Variants in CRISPLD2 observed in about 807,000 individuals in gnomAD.
CRISPLD2 encodes the protein cysteine-rich secretory protein LCCL domain-containing 2.
CRISPLD2 carries 47 observed loss-of-function variants against 71.1 expected under a neutral mutation model. The ratio of observed to expected loss-of-function variants is 0.66; its 90% CI spans 0.52 to 0.84. CRISPLD2 has a LOEUF of 0.84. Among genes scored for constraint, CRISPLD2 ranks in the 40% least tolerant of loss-of-function variants. CRISPLD2 has a pLI of 0.00. For missense variants in CRISPLD2, 830 were observed against 651.1 expected, an observed-to-expected ratio of 1.27 and a Z score of -2.99; for synonymous variants, 317 against 250.1, an observed-to-expected ratio of 1.27 and a Z score of -2.52.
Position 84,906,683 on chromosome 16 carries a change from T to C in CRISPLD2, c.*41T>C. The C allele has an allele frequency of 6.2e-7, 1 of 1,609,410 alleles. No individual in the cohort carries two copies. On this transcript the variant is annotated 3_prime_UTR_variant, in exon 15 of 15. Coordinates refer to ENST00000262424, the MANE Select transcript of CRISPLD2 (RefSeq NM_031476.4). ...GGAGAAGGGGCGTCTTCAGGAGGGC[T>C]TCGGGGTTTTGCTTTTATTTTTATT...
rs559269206 is a variant in CRISPLD2 at position 84,847,445 on chromosome 16, T to A, written c.359+1541T>A. Among the ~76,000 whole-genome samples the A allele has an allele frequency of 2.2e-4, 33 of 151,204 alleles. No individual in the cohort carries two copies. The South Asian group carries it at 2.3e-3, about 11-fold the overall frequency. ...GGTGGGCAGAATACAAGGTCAGGAG[T>A]TCAAGACTATCCTGGCCAACATAGT... On this transcript the variant is annotated intron_variant, in intron 3 of 14. Transcript: ENST00000262424.
chr16:84,840,822 A>G (rs1018156870), intron 2 of CRISPLD2, among the ~76,000 whole-genome samples: 1 of 152,200 alleles, frequency 6.6e-6, no homozygotes. Context: ...GATTACAGGC[A>G]TGAACCACCG....
intron 1 of CRISPLD2, among the ~76,000 whole-genome samples, chr16:84,827,237 A>G (rs1249337549): frequency 1.3e-5 from 2 of 151,664 alleles, no homozygotes; most frequent in Non-Finnish European, 2.9e-5. Flanking sequence ...GAATCCCCGG[A>G]GTCTGGCCCC....
At chr16:84,882,347 C>CAAAAAAAAAAAAAAAAAAAAAAAAGA in intron 13 of CRISPLD2, among the ~76,000 whole-genome samples, 1 of 77,492 alleles carries the variant, frequency 1.3e-5, no homozygotes, top group Non-Finnish European at 2.5e-5. Context: ...ACCAATAAAG[C>CAAAAAAAAAAAAAAAAAAAAAAAAGA]AAAAAAAAAA....
At chr16:84,834,650 A>G (rs1308595390) in intron 1 of CRISPLD2, among the ~76,000 whole-genome samples, 1 of 152,182 alleles carries the variant, frequency 6.6e-6, no homozygotes, top group Non-Finnish European at 1.5e-5. Flanking sequence ...TTGGTCTGTT[A>G]AGCCGGCTAC....
Position 84,872,497 on chromosome 16 carries a change from T to C in CRISPLD2, c.970T>C (p.Phe324Leu). 6.2e-7 allele frequency: 1 copy of C among 1,613,766 alleles called. No individual in the cohort carries two copies. The highest frequency in any genetic ancestry group is 8.5e-7 in the Non-Finnish European group (1 of 1,179,788). The change falls in exon 9 of 15, where the codon TTC becomes CTC. Residue 324 changes from phenylalanine to leucine, a missense_variant. Physicochemically the swap from Phe to Leu is conservative, Grantham distance 22. Coordinates refer to ENST00000262424, the MANE Select transcript of CRISPLD2 (RefSeq NM_031476.4). ...NHKAKIFGTL[F>L]YESSSSICRA... ...CAAGGCGAAGATCTTTGGAACTCTG[T>C]TCTATGAAAGCGTGAGTGTGGCCAG...
intron 6 of CRISPLD2, among the ~76,000 whole-genome samples, chr16:84,859,605 A>G (rs966341032): frequency 6.6e-6 from 1 of 152,160 alleles, no homozygotes; most frequent in African/African-American, 2.4e-5. Flanking sequence ...AGGGACCGTG[A>G]TTCTCTGTTT....
intron 2 of CRISPLD2, among the ~76,000 whole-genome samples, chr16:84,842,935 C>A (rs549900160): frequency 5.9e-5 from 9 of 152,276 alleles, no homozygotes; most frequent in African/African-American, 2.2e-4. Context: ...TCCCGCCTCC[C>A]GGTCTGGAGC....
chr16:84,880,636 C>T (rs1267045177), intron 13 of CRISPLD2, 52 bp downstream of exon 13: 9 of 1,400,048 alleles, frequency 6.4e-6, no homozygotes, highest in Middle Eastern at 1.8e-4. Flanking sequence ...TTAAAGACCT[C>T]AACATGCAAG....
At chr16:84,885,104 A>G (rs868051439) in intron 13 of CRISPLD2, among the ~76,000 whole-genome samples, 14 of 152,192 alleles carry the variant, frequency 9.2e-5, no homozygotes, top group African/African-American at 3.1e-4. Context: ...ATTGATCCTG[A>G]ACGCTGACAG....
At position 84,831,407 on chromosome 16, in the gene CRISPLD2, A is replaced by G. The variant is rs1236829721; in HGVS notation, c.-74-7015A>G. ...ATCCCCCAAGCATTGGACATTTAAC[A>G]GATTTTTTTTCCTTTTTTCTTTTGA... On this transcript the variant is annotated intron_variant, in intron 1 of 14. Transcript: ENST00000262424. Among the ~76,000 whole-genome samples the G allele has an allele frequency of 2.0e-5, 3 of 152,092 alleles. No homozygotes were observed. In the East Asian group the frequency reaches 5.8e-4, roughly 29 times the overall value.
At chr16:84,882,492 C>G (rs540301364) in intron 13 of CRISPLD2, among the ~76,000 whole-genome samples, 1 of 152,142 alleles carries the variant, frequency 6.6e-6, no homozygotes, top group South Asian at 2.1e-4. Context: ...CTCACTGCAA[C>G]CTCCCAGGTT....
chr16:84,827,442 C>T (rs1488367780), intron 1 of CRISPLD2, among the ~76,000 whole-genome samples: 1 of 152,162 alleles, frequency 6.6e-6, no homozygotes, highest in Non-Finnish European at 1.5e-5. Flanking sequence ...TGCCTCCTGA[C>T]CCCATTCCTC....
chr16:84,876,361 G>A lies in CRISPLD2; in HGVS notation c.1157-1077G>A, dbSNP rs113425625. On this transcript the variant is annotated intron_variant, in intron 11 of 14. Transcript: ENST00000262424. ...TACTAAAAATACAAAAATTATCCAG[G>A]TGTGGTGGCAGGCACCTGTAATCTC... Among the ~76,000 whole-genome samples the A allele has an allele frequency of 6.6e-3, 995 of 150,084 alleles. 16 individuals carry two copies. Among genetic ancestry groups the A allele is most frequent in the African/African-American group, 0.022 (912 of 40,654 alleles).
At chr16:84,846,885 A>C (rs1052079378) in intron 3 of CRISPLD2, among the ~76,000 whole-genome samples, 1 of 152,206 alleles carries the variant, frequency 6.6e-6, no homozygotes, top group African/African-American at 2.4e-5. Context: ...CCTTCCCCAG[A>C]GTAAGCTGGA....
intron 13 of CRISPLD2, chr16:84,880,828 G>C (rs774201): frequency 0.59 from 197,268 of 332,586 alleles, 61,478 homozygotes; most frequent in East Asian, 0.83. Flanking sequence ...ACCTCAACCT[G>C]CCAAGTAGCT....
chr16:84,845,005 A>G (rs540137131), intron 2 of CRISPLD2, among the ~76,000 whole-genome samples: 47 of 152,312 alleles, frequency 3.1e-4, no homozygotes, highest in African/African-American at 1.0e-3. Flanking sequence ...CAGAGCGCCA[A>G]TCCAACGCCA....
chr16:84,873,969 C>G lies in CRISPLD2; in HGVS notation c.1156+6C>G, dbSNP rs754327251. 3.8e-6 allele frequency: 6 copies of G among 1,597,852 alleles called. No homozygotes were observed. In the African/African-American group the frequency reaches 4.1e-5, roughly 11 times the overall value. ...CATGGTGTCAAAAGTGAAAGGTAAG[C>G]TAGCCAGTCTCTTTTGCGACCATAA... On this transcript the variant is annotated splice_donor_region_variant and intron_variant, in intron 11 of 14. Transcript: ENST00000262424.
intron 2 of CRISPLD2, chr16:84,839,399 T>C (rs1276348465): frequency 1.6e-5 from 3 of 182,426 alleles, no homozygotes; most frequent in African/African-American, 7.1e-5. Flanking sequence ...CCCTGACTTC[T>C]CCTTAGCCCG....
Sources: allele counts gnomAD v4.1 joint callset (sites outside exome capture counted in the v4.1 genomes callset), GRCh38; gene constraint gnomAD v4.1.1; transcripts MANE v1.5; gene names NCBI Gene and HGNC (gene_info 2026-07-23, HGNC 2026-07-21).